Variants in TASP1 observed in about 807,000 individuals in gnomAD.
The protein encoded by TASP1 is taspase 1, also known as threonine aspartase 1.
TASP1 carries 16 observed loss-of-function variants against 56.6 expected under a neutral mutation model. That is an observed-to-expected ratio of 0.28 (90% CI 0.19 to 0.43). TASP1 has a LOEUF of 0.43. Among genes scored for constraint, TASP1 ranks in the 20% least tolerant of loss-of-function variants. The probability of loss-of-function intolerance (pLI) is 1.00; values close to 1 mark genes in which losing one functional copy is unlikely to be tolerated. For missense variants in TASP1, 393 were observed against 511.6 expected (o/e 0.77, Z 2.24); for synonymous variants, 179 against 184.2 (o/e 0.97, Z 0.23).
intron 10 of TASP1, among the ~76,000 whole-genome samples, chr20:13,508,931 G>A (rs1480597973): frequency 6.6e-6 from 1 of 152,064 alleles, no homozygotes; most frequent in Non-Finnish European, 1.5e-5. Flanking sequence ...CAACATGGAG[G>A]TTCCTCAAAA....
At chr20:13,563,511 C>T (rs1283941249) in intron 7 of TASP1, among the ~76,000 whole-genome samples, 1 of 152,082 alleles carries the variant, frequency 6.6e-6, no homozygotes, top group African/African-American at 2.4e-5. Flanking sequence ...CAAAATTCCT[C>T]AACAAAATAC....
At chr20:13,321,624 G>A in the TASP1 span, among the ~76,000 whole-genome samples, 3 of 152,202 alleles carry the variant, frequency 2.0e-5, no homozygotes, top group Non-Finnish European at 4.4e-5. Flanking sequence ...CTTGATCCTC[G>A]GCTTCTAGCC....
chr20:13,444,317 A>T (rs1031238576), intron 11 of TASP1, among the ~76,000 whole-genome samples: 1 of 152,144 alleles, frequency 6.6e-6, no homozygotes, highest in African/African-American at 2.4e-5. Context: ...CATTACATTT[A>T]ATAAAGAATT....
the TASP1 span, among the ~76,000 whole-genome samples, chr20:13,225,052 A>G: frequency 6.8e-6 from 1 of 147,574 alleles, no homozygotes; most frequent in Non-Finnish European, 1.5e-5. Context: ...ACGGGGTTTC[A>G]CCGTGTTAGC....
intron 10 of TASP1, among the ~76,000 whole-genome samples, chr20:13,514,019 G>A (rs2044433734): frequency 6.6e-6 from 1 of 152,146 alleles, no homozygotes; most frequent in Non-Finnish European, 1.5e-5. Flanking sequence ...AACAGGTAGA[G>A]CAGAGGCAAA....
At chr20:13,255,043 A>G in the TASP1 span, among the ~76,000 whole-genome samples, 2 of 152,248 alleles carry the variant, frequency 1.3e-5, no homozygotes, top group African/African-American at 4.8e-5. Flanking sequence ...GGTAGGGGCC[A>G]CAACACAGAA....
intron 11 of TASP1, among the ~76,000 whole-genome samples, chr20:13,479,266 A>G (rs1029943866): frequency 5.3e-5 from 8 of 152,110 alleles, no homozygotes; most frequent in Non-Finnish European, 1.2e-4. Flanking sequence ...TTATACAAAT[A>G]TTTTTTTAAA....
At chr20:13,266,230 G>A in the TASP1 span, among the ~76,000 whole-genome samples, 11 of 152,186 alleles carry the variant, frequency 7.2e-5, no homozygotes, top group Non-Finnish European at 1.0e-4. Context: ...ACATTGGGCA[G>A]GCAATTGCAA....
At chr20:13,423,685 G>A (rs919448810) in intron 12 of TASP1, among the ~76,000 whole-genome samples, 1 of 152,178 alleles carries the variant, frequency 6.6e-6, no homozygotes, top group African/African-American at 2.4e-5. Flanking sequence ...CCTGTAGAGG[G>A]AACTAGTTGA....
At chr20:13,225,251 G>A in the TASP1 span, among the ~76,000 whole-genome samples, 12 of 152,244 alleles carry the variant, frequency 7.9e-5, no homozygotes, top group African/African-American at 2.4e-4. Flanking sequence ...ATTTGCCCAA[G>A]GTTGCACAGC....
At chr20:13,328,105 T>C in the TASP1 span, among the ~76,000 whole-genome samples, 6 of 151,758 alleles carry the variant, frequency 4.0e-5, no homozygotes, top group African/African-American at 1.5e-4. Context: ...TAAACAAATT[T>C]ACAAGAAAAA....
intron 8 of TASP1, among the ~76,000 whole-genome samples, chr20:13,552,727 T>A (rs2046020489): frequency 6.6e-6 from 1 of 152,186 alleles, no homozygotes; most frequent in Non-Finnish European, 1.5e-5. Context: ...ATAGAAAAGA[T>A]GTTCATATGA....
chr20:13,579,586 C>T (rs528157777), intron 6 of TASP1, among the ~76,000 whole-genome samples: 7 of 151,914 alleles, frequency 4.6e-5, no homozygotes, highest in Non-Finnish European at 8.8e-5. Flanking sequence ...CTCCTGATCT[C>T]GTGATCTGCC....
At chr20:13,576,279 G>C (rs1338191217) in intron 6 of TASP1, among the ~76,000 whole-genome samples, 1 of 146,172 alleles carries the variant, frequency 6.8e-6, no homozygotes, top group Non-Finnish European at 1.5e-5. Flanking sequence ...GAAGGGAAGA[G>C]AAGAGAAAGG....
At chr20:13,311,317 C>T in the TASP1 span, among the ~76,000 whole-genome samples, 3 of 151,708 alleles carry the variant, frequency 2.0e-5, no homozygotes, top group Non-Finnish European at 2.9e-5. Flanking sequence ...AAAAGGAGAA[C>T]TCTTGTACAC....
At chr20:13,446,634 C>T (rs2043421404) in intron 11 of TASP1, among the ~76,000 whole-genome samples, 1 of 152,062 alleles carries the variant, frequency 6.6e-6, no homozygotes, top group Non-Finnish European at 1.5e-5. Flanking sequence ...CCTATATTCA[C>T]TGTCACTTAG....
intron 13 of TASP1, among the ~76,000 whole-genome samples, chr20:13,401,799 AT>A (rs1289671747): frequency 1.3e-5 from 2 of 152,152 alleles, no homozygotes; most frequent in African/African-American, 4.8e-5. Context: ...CATTTGTCTC[AT>A]TTACATGTCA....
chr20:13,151,289 TG>T, the TASP1 span, among the ~76,000 whole-genome samples: 46 of 152,250 alleles, frequency 3.0e-4, no homozygotes, highest in Non-Finnish European at 5.9e-4. Context: ...CAAGAAGATC[TG>T]GTTTGTTTAA....
chr20:13,152,268 A>T, the TASP1 span, among the ~76,000 whole-genome samples: 4 of 152,214 alleles, frequency 2.6e-5, no homozygotes, highest in Non-Finnish European at 5.9e-5. Flanking sequence ...AATAAATGTC[A>T]AGAGCTTATA....
Sources: gnomAD v4.1 joint callset for allele counts (sites outside exome capture counted in the v4.1 genomes callset) on GRCh38, gnomAD v4.1.1 for gene constraint, MANE v1.5 for transcripts, NCBI Gene and HGNC (gene_info 2026-07-23, HGNC 2026-07-21) for gene names.